The following REDIC1 variants were observed in gnomAD, a reference collection of about 807,000 sequenced individuals.
The protein encoded by REDIC1 is regulator of DNA class I crossover intermediates 1.
chr12:39,664,429 T>G, the REDIC1 span, among the ~76,000 whole-genome samples: 1 of 152,314 alleles, frequency 6.6e-6, no homozygotes, highest in South Asian at 2.1e-4. Flanking sequence ...GGCTGCATAG[T>G]ATTCCATGGT....
chr12:39,809,772 C>T, the REDIC1 span, among the ~76,000 whole-genome samples: 1 of 151,990 alleles, frequency 6.6e-6, no homozygotes, highest in African/African-American at 2.4e-5. Flanking sequence ...TTTTTTTGTC[C>T]TTGCGATAGT....
the REDIC1 span, chr12:39,716,956 T>C: frequency 3.4e-6 from 2 of 591,670 alleles, no homozygotes; most frequent in Non-Finnish European, 5.0e-6. Context: ...AAGTAAAAAT[T>C]AATATAAACA....
the REDIC1 span, among the ~76,000 whole-genome samples, chr12:39,818,295 G>A: frequency 1.4e-5 from 2 of 145,688 alleles, no homozygotes; most frequent in Non-Finnish European, 3.0e-5. Flanking sequence ...AATGAGTTGG[G>A]GGGAGGGGGA....
chr12:39,762,624 G>T, the REDIC1 span, among the ~76,000 whole-genome samples: 1 of 151,984 alleles, frequency 6.6e-6, no homozygotes, highest in South Asian at 2.1e-4. Context: ...AAAAAAGGAG[G>T]CAACAAAGAA....
chr12:39,851,713 G>A, the REDIC1 span, among the ~76,000 whole-genome samples: 1 of 152,182 alleles, frequency 6.6e-6, no homozygotes, highest in Non-Finnish European at 1.5e-5. Context: ...GGATGGATTT[G>A]TATTATCAGC....
At chr12:39,712,378 A>G in the REDIC1 span, among the ~76,000 whole-genome samples, 2 of 136,568 alleles carry the variant, frequency 1.5e-5, no homozygotes, top group Admixed American at 7.4e-5. Context: ...ATGTATATAT[A>G]CCTATATATA....
the REDIC1 span, among the ~76,000 whole-genome samples, chr12:39,752,449 T>A: frequency 6.6e-6 from 1 of 151,918 alleles, no homozygotes; most frequent in Non-Finnish European, 1.5e-5. Flanking sequence ...ATGGAAAAAA[T>A]TGTCTTCCAT....
chr12:39,764,717 A>G, the REDIC1 span: 71 of 1,610,360 alleles, frequency 4.4e-5, no homozygotes, highest in Non-Finnish European at 5.5e-5. Flanking sequence ...ATGCAACAGT[A>G]TAACAAAGTC....
At chr12:39,879,799 GGCAAGATT>G in the REDIC1 span, among the ~76,000 whole-genome samples, 1,047 of 152,272 alleles carry the variant, frequency 6.9e-3, 9 homozygotes, top group African/African-American at 0.024. Context: ...CCATTGGGAA[GGCAAGATT>G]GTATTTTGCA....
At chr12:39,646,167 G>T in the REDIC1 span, among the ~76,000 whole-genome samples, 1 of 151,820 alleles carries the variant, frequency 6.6e-6, no homozygotes, top group Admixed American at 6.6e-5. Flanking sequence ...GTCTCTGATA[G>T]TTGTTTATAT....
At chr12:39,896,196 G>A in the REDIC1 span, among the ~76,000 whole-genome samples, 1 of 146,188 alleles carries the variant, frequency 6.8e-6, no homozygotes, top group Non-Finnish European at 1.5e-5. Context: ...GTATATATGT[G>A]TATGTATACA....
chr12:39,704,806 G>A, the REDIC1 span, among the ~76,000 whole-genome samples: 1 of 152,084 alleles, frequency 6.6e-6, no homozygotes, highest in African/African-American at 2.4e-5. Context: ...ATCATTCTCA[G>A]TAAACTATCC....
the REDIC1 span, among the ~76,000 whole-genome samples, chr12:39,715,821 T>C: frequency 6.6e-6 from 1 of 151,992 alleles, no homozygotes; most frequent in African/African-American, 2.4e-5. Context: ...ATAGTACTTA[T>C]GGACTGAATG....
chr12:39,666,032 CT>C, the REDIC1 span, among the ~76,000 whole-genome samples: 1 of 152,316 alleles, frequency 6.6e-6, no homozygotes, highest in African/African-American at 2.4e-5. Flanking sequence ...TTAACTTCCT[CT>C]TTTCCTACTT....
the REDIC1 span, among the ~76,000 whole-genome samples, chr12:39,781,195 C>A: frequency 1.3e-5 from 2 of 152,160 alleles, no homozygotes; most frequent in Non-Finnish European, 2.9e-5. Context: ...CTATCTCAAT[C>A]CTTCCAAATC....
chr12:39,754,537 C>A, the REDIC1 span, among the ~76,000 whole-genome samples: 1 of 151,996 alleles, frequency 6.6e-6, no homozygotes. Context: ...ATTATGGACA[C>A]GTGTCTAGCA....
chr12:39,799,022 C>G, the REDIC1 span, among the ~76,000 whole-genome samples: 1 of 150,522 alleles, frequency 6.6e-6, no homozygotes, highest in South Asian at 2.1e-4. Flanking sequence ...TCCCCATTAT[C>G]CCCACTTCAG....
chr12:39,743,089 C>T, the REDIC1 span, among the ~76,000 whole-genome samples: 23 of 151,994 alleles, frequency 1.5e-4, no homozygotes, highest in Non-Finnish European at 2.5e-4. Context: ...CCTCTGGTAG[C>T]GGGGAAGAGA....
At chr12:39,739,411 C>T in the REDIC1 span, among the ~76,000 whole-genome samples, 2 of 152,092 alleles carry the variant, frequency 1.3e-5, no homozygotes, top group African/African-American at 4.8e-5. Flanking sequence ...CTATTGAGCG[C>T]AGGCATTGAG....
Sources: allele counts gnomAD v4.1 joint callset (sites outside exome capture counted in the v4.1 genomes callset), GRCh38; gene constraint gnomAD v4.1.1; transcripts MANE v1.5; gene names NCBI Gene and HGNC (gene_info 2026-07-23, HGNC 2026-07-21).